The following LRIG1 variants were observed in gnomAD, a reference collection of about 807,000 sequenced individuals.
LRIG1 encodes leucine-rich repeats and immunoglobulin-like domains protein 1.
A neutral mutation model predicts 99.2 loss-of-function variants in LRIG1; 48 were observed. That is an observed-to-expected ratio of 0.48 (90% CI 0.38 to 0.62). LRIG1 has a LOEUF of 0.62. LRIG1 is among the 20% of genes least tolerant of loss of function. LRIG1 has a pLI of 0.00. For missense variants in LRIG1, 1,646 were observed against 1,434.4 expected (o/e 1.15, Z -2.38); for synonymous variants, 772 against 596.1 (o/e 1.29, Z -4.30).
chr3:66,499,186 TCTATTCTACCATGTTTAC>T (rs1358711517), intron 1 of LRIG1, among the ~76,000 whole-genome samples: 5 of 88,152 alleles, frequency 5.7e-5, no homozygotes, highest in African/African-American at 1.8e-4. Flanking sequence ...AGAAGACTAT[TCTATTCTACCATGTTTAC>T]ACAGAAGTCT....
At chr3:66,392,936 G>T (rs947465412) in intron 12 of LRIG1, among the ~76,000 whole-genome samples, 3 of 152,188 alleles carry the variant, frequency 2.0e-5, no homozygotes, top group African/African-American at 7.2e-5. Flanking sequence ...AGACAGATCG[G>T]TATGAAAAGT....
intron 12 of LRIG1, among the ~76,000 whole-genome samples, chr3:66,388,569 G>A (rs1001914182): frequency 6.6e-6 from 1 of 152,142 alleles, no homozygotes; most frequent in Non-Finnish European, 1.5e-5. Flanking sequence ...TAGTCAAGCT[G>A]TCAGGTGCCA....
In LRIG1 at chr3:66,451,489, G is replaced by A. The variant is rs1703902806; in HGVS notation, c.365+70C>T. ...ATGAACTCAAGTTATCCTGCCACCA[G>A]GTATCAGCAAGGCAACAAACACCAT... is the stretch of plus-strand genomic sequence containing the variant. On this transcript the variant is annotated intron_variant, in intron 3 of 18. Coordinates refer to ENST00000273261, the MANE Select transcript of LRIG1 (RefSeq NM_015541.3). The A allele has an allele frequency of 6.1e-6, 8 of 1,317,132 alleles. No homozygotes were observed. The Admixed American group carries it at 1.5e-4, about 25-fold the overall frequency. 81.6% of individuals were successfully genotyped at this position (1,317,132 alleles called of 1,614,324 possible).
In LRIG1 at chr3:66,385,273, G is replaced by A. The variant is rs553145108; in HGVS notation, c.1789+708C>T. Among the ~76,000 whole-genome samples the A allele has an allele frequency of 3.9e-5, 6 of 152,194 alleles. No homozygotes were observed. The East Asian group carries it at 9.7e-4, about 25-fold the overall frequency. ...TCAGGCCAGGGCTCACACCAGCCTT[G>A]CACTCCACAGTCTCTGGAGCAGTAG... On this transcript the variant is annotated intron_variant, in intron 13 of 18. Coordinates refer to ENST00000273261, the MANE Select transcript of LRIG1 (RefSeq NM_015541.3).
chr3:66,390,730 G>A (rs1480252539), intron 12 of LRIG1, among the ~76,000 whole-genome samples: 2 of 152,048 alleles, frequency 1.3e-5, no homozygotes, highest in Admixed American at 6.6e-5. Context: ...AAATAAAGGA[G>A]GAAATCTTTG....
At chr3:66,451,506 A>C (rs1292107621) in intron 3 of LRIG1, 53 bp downstream of exon 3, 3 of 1,531,552 alleles carry the variant, frequency 2.0e-6, no homozygotes, top group Non-Finnish European at 2.7e-6. Context: ...GCAAGGCAAC[A>C]AACACCATGG....
At chr3:66,493,194 C>T (rs1449448755) in intron 1 of LRIG1, among the ~76,000 whole-genome samples, 1 of 152,106 alleles carries the variant, frequency 6.6e-6, no homozygotes, top group Non-Finnish European at 1.5e-5. Flanking sequence ...TTTTTCCAAG[C>T]TATTGACTGA....
chr3:66,386,459 T>C (rs1035158649), intron 12 of LRIG1, 158 bp from the exon 13 acceptor site: 4 of 638,016 alleles, frequency 6.3e-6, no homozygotes, highest in Non-Finnish European at 5.5e-6. Context: ...GCCGTAAGAG[T>C]TGCACCATGG....
intron 3 of LRIG1, among the ~76,000 whole-genome samples, chr3:66,435,735 T>C (rs1703333640): frequency 6.6e-6 from 1 of 151,948 alleles, no homozygotes; most frequent in Non-Finnish European, 1.5e-5. Flanking sequence ...ATGTCACCAT[T>C]GGGAGAAACT....
intron 3 of LRIG1, among the ~76,000 whole-genome samples, chr3:66,435,964 TACAC>T (rs1414693533): frequency 1.3e-5 from 2 of 152,192 alleles, no homozygotes; most frequent in Non-Finnish European, 2.9e-5. Context: ...AGCAGAAACT[TACAC>T]AGTATGACTG....
intron 3 of LRIG1, among the ~76,000 whole-genome samples, chr3:66,430,195 A>C (rs954039210): frequency 2.6e-4 from 39 of 151,192 alleles, no homozygotes; most frequent in Non-Finnish European, 4.3e-4. Flanking sequence ...AACAACAAAA[A>C]AAAAACACTG....
At chr3:66,420,971 A>G (rs986258552) in intron 3 of LRIG1, among the ~76,000 whole-genome samples, 10 of 152,192 alleles carry the variant, frequency 6.6e-5, no homozygotes, top group Non-Finnish European at 1.3e-4. Flanking sequence ...TCTTACATGG[A>G]TGGCAGCAGG....
At chr3:66,425,665 C>A (rs553294093) in intron 3 of LRIG1, among the ~76,000 whole-genome samples, 1 of 152,324 alleles carries the variant, frequency 6.6e-6, no homozygotes, top group East Asian at 1.9e-4. Flanking sequence ...CCTTTCTCTG[C>A]AACCAGACAA....
intron 1 of LRIG1, among the ~76,000 whole-genome samples, chr3:66,481,717 T>G (rs1216807370): frequency 1.3e-5 from 2 of 152,208 alleles, no homozygotes; most frequent in African/African-American, 4.8e-5. Flanking sequence ...TTACAGGAAG[T>G]AGTGATCTTT....
chr3:66,464,236 TCATAGGTAA>T (rs1450080621), intron 1 of LRIG1, among the ~76,000 whole-genome samples: 2 of 152,176 alleles, frequency 1.3e-5, no homozygotes, highest in Non-Finnish European at 2.9e-5. Context: ...TTTTGTATCA[TCATAGGTAA>T]CAGGAGTTGT....
chr3:66,394,799 C>T (rs1464128781), intron 11 of LRIG1, among the ~76,000 whole-genome samples: 2 of 152,216 alleles, frequency 1.3e-5, no homozygotes, highest in African/African-American at 2.4e-5. Flanking sequence ...TAATAAGCCC[C>T]GTCACTGTGC....
chr3:66,393,959 G>T (rs1320145501), intron 12 of LRIG1, 81 bp downstream of exon 12: 2 of 1,455,666 alleles, frequency 1.4e-6, no homozygotes, highest in East Asian at 2.3e-5. Flanking sequence ...CTGATCACAG[G>T]AATTACTCCC....
At chr3:66,434,772 A>C (rs1207044698) in intron 3 of LRIG1, among the ~76,000 whole-genome samples, 1 of 151,716 alleles carries the variant, frequency 6.6e-6, no homozygotes, top group Admixed American at 6.6e-5. Context: ...AAAAAAAAAA[A>C]AACACACCAC....
chr3:66,391,423 TAAATA>T (rs1397640425), intron 12 of LRIG1, among the ~76,000 whole-genome samples: 1 of 152,162 alleles, frequency 6.6e-6, no homozygotes, highest in Non-Finnish European at 1.5e-5. Flanking sequence ...GATAAACGGA[TAAATA>T]AAATGTAAAC....
Sources: gnomAD v4.1 joint callset for allele counts (sites outside exome capture counted in the v4.1 genomes callset) on GRCh38, gnomAD v4.1.1 for gene constraint, MANE v1.5 for transcripts, NCBI Gene and HGNC (gene_info 2026-07-23, HGNC 2026-07-21) for gene names.